Variants in MACROD2 observed in about 807,000 individuals in gnomAD.
MACROD2 encodes mono-ADP ribosylhydrolase 2, also known as ADP-ribose glycohydrolase MACROD2.
MACROD2 carries 36 observed loss-of-function variants against 70.4 expected under a neutral mutation model. That is an observed-to-expected ratio of 0.51 (90% CI 0.39 to 0.68). MACROD2 has a LOEUF of 0.68. Ranked by LOEUF, MACROD2 falls within the 30% of genes least tolerant of loss-of-function variation. MACROD2 has a pLI of 0.00. For synonymous variants in MACROD2, 172 were observed against 178.8 expected, an observed-to-expected ratio of 0.96 and a Z score of 0.30; for missense variants, 496 against 538.4, an observed-to-expected ratio of 0.92 and a Z score of 0.78.
chr20:15,789,519 A>C (rs1237210406), intron 8 of MACROD2, among the ~76,000 whole-genome samples: 1 of 152,168 alleles, frequency 6.6e-6, no homozygotes, highest in Non-Finnish European at 1.5e-5. Context: ...AGCGATTCTA[A>C]AATGAGTTCC....
chr20:14,287,413 G>A (rs995733083), intron 3 of MACROD2, among the ~76,000 whole-genome samples: 1 of 150,104 alleles, frequency 6.7e-6, no homozygotes, highest in Admixed American at 6.7e-5. Flanking sequence ...TGATGATGAT[G>A]ATCATGGTGA....
chr20:15,220,643 G>A (rs2076851748), intron 5 of MACROD2, among the ~76,000 whole-genome samples: 1 of 152,184 alleles, frequency 6.6e-6, no homozygotes, highest in Non-Finnish European at 1.5e-5. Flanking sequence ...AGCAACAGAG[G>A]TGAAGTGAAT....
intron 2 of MACROD2, among the ~76,000 whole-genome samples, chr20:14,010,828 A>G (rs1041548194): frequency 2.0e-5 from 3 of 152,010 alleles, no homozygotes. Flanking sequence ...AGTCTCTTTC[A>G]TGATTTCCTT....
At chr20:15,707,650 G>T (rs1198873487) in intron 8 of MACROD2, among the ~76,000 whole-genome samples, 1 of 152,068 alleles carries the variant, frequency 6.6e-6, no homozygotes, top group Non-Finnish European at 1.5e-5. Context: ...GAGCGTGGTG[G>T]CGGGTGCCTG....
intron 9 of MACROD2, among the ~76,000 whole-genome samples, chr20:15,883,039 A>G (rs965184515): frequency 6.6e-6 from 1 of 151,624 alleles, no homozygotes; most frequent in African/African-American, 2.4e-5. Context: ...TTAAAAAAAA[A>G]AACAAACAAA....
chr20:15,482,982 T>A (rs1008925946), intron 7 of MACROD2, among the ~76,000 whole-genome samples: 1 of 152,106 alleles, frequency 6.6e-6, no homozygotes, highest in African/African-American at 2.4e-5. Flanking sequence ...TTATCAAGTA[T>A]GTCTTTTGCA....
chr20:14,546,955 A>G lies in MACROD2; in HGVS notation c.301+53447A>G, dbSNP rs558457371. On this transcript the variant is annotated intron_variant, in intron 4 of 17. Transcript: ENST00000684519. Reference sequence around the variant, plus strand: ...TTTTTTTCAAGATCTAAATACAATTATATTTTTAAACGTTGGGTCCAGGCT... The same window carrying G: ...TTTTTTTCAAGATCTAAATACAATTGTATTTTTAAACGTTGGGTCCAGGCT... Among the ~76,000 whole-genome samples, 14 of 152,116 alleles carry G rather than the reference A, an allele frequency of 9.2e-5. No homozygotes were observed. The South Asian group carries it at 2.9e-3, about 32-fold the overall frequency.
chr20:15,987,022 C>A, intron 14 of MACROD2, 44 bp from the exon 15 acceptor site: 1 of 1,502,870 alleles, frequency 6.7e-7, no homozygotes, highest in Non-Finnish European at 9.1e-7. Flanking sequence ...TCAATGATTC[C>A]AACTAAAACA....
chr20:14,452,748 C>G (rs1294397056), intron 3 of MACROD2, among the ~76,000 whole-genome samples: 1 of 152,088 alleles, frequency 6.6e-6, no homozygotes, highest in Non-Finnish European at 1.5e-5. Flanking sequence ...CTTTGGTAAA[C>G]CGAATAGCTT....
intron 8 of MACROD2, among the ~76,000 whole-genome samples, chr20:15,591,450 C>T (rs2048678575): frequency 6.6e-6 from 1 of 151,740 alleles, no homozygotes; most frequent in Non-Finnish European, 1.5e-5. Context: ...ACACCTAATT[C>T]CTCTGCTTCC....
At chr20:15,439,096 T>C (rs1405568760) in intron 7 of MACROD2, among the ~76,000 whole-genome samples, 1 of 152,174 alleles carries the variant, frequency 6.6e-6, no homozygotes, top group Non-Finnish European at 1.5e-5. Context: ...AGCATTTTAC[T>C]TCAGTTAAAA....
At chr20:14,723,027 T>A (rs2071488361) in intron 5 of MACROD2, among the ~76,000 whole-genome samples, 2 of 152,218 alleles carry the variant, frequency 1.3e-5, no homozygotes, top group Non-Finnish European at 2.9e-5. Flanking sequence ...GCAGGTTAAA[T>A]CTGTAACCCA....
rs1242609412 is a variant in MACROD2, at chr20:15,070,890, C to CTTTGT, written c.419-159036_419-159032dup. ...TTTTCACTAGGGTAAACTTGAATAC[C>CTTTGT]TTTGTTTTGTTTTGTTTTTGGAAAA... On this transcript the variant is annotated intron_variant, in intron 5 of 17. Coordinates refer to ENST00000684519, the MANE Select transcript of MACROD2 (RefSeq NM_001351661.2). Among the ~76,000 whole-genome samples the CTTTGT allele has an allele frequency of 4.0e-5, 6 of 149,624 alleles. No homozygotes were observed. In the East Asian group the frequency reaches 7.8e-4, roughly 19 times the overall value.
At chr20:14,850,170 T>C (rs2073185194) in intron 5 of MACROD2, 1 of 321,276 alleles carries the variant, frequency 3.1e-6, no homozygotes, top group Non-Finnish European at 6.2e-6. Flanking sequence ...TTGCAACTTG[T>C]TTAGCTGGAA....
At chr20:14,248,458 C>T (rs938857932) in intron 3 of MACROD2, among the ~76,000 whole-genome samples, 4 of 152,122 alleles carry the variant, frequency 2.6e-5, no homozygotes, top group African/African-American at 7.2e-5. Context: ...TGGCACATGC[C>T]TGTAATCCCA....
intron 6 of MACROD2, among the ~76,000 whole-genome samples, chr20:15,282,926 A>C (rs1042987442): frequency 9.9e-5 from 15 of 152,178 alleles, no homozygotes; most frequent in African/African-American, 3.1e-4. Context: ...GGTTTAATTG[A>C]CTCACAGTTC....
chr20:14,801,856 C>A (rs1321687982), intron 5 of MACROD2, among the ~76,000 whole-genome samples: 1 of 152,040 alleles, frequency 6.6e-6, no homozygotes, highest in African/African-American at 2.4e-5. Context: ...ACTGTACTTT[C>A]CTTTCACGGC....
At chr20:15,232,279 A>T (rs537192912) in intron 6 of MACROD2, among the ~76,000 whole-genome samples, 7 of 152,080 alleles carry the variant, frequency 4.6e-5, no homozygotes, top group Non-Finnish European at 8.8e-5. Context: ...TTGTCAACTT[A>T]TCACAATAGA....
intron 5 of MACROD2, among the ~76,000 whole-genome samples, chr20:14,890,790 A>AG (rs398121201): frequency 1.3e-5 from 2 of 150,680 alleles, no homozygotes; most frequent in African/African-American, 4.9e-5. Context: ...TAAAAAAAAA[A>AG]GAAAGAAGGA....
Sources: gnomAD v4.1 joint callset for allele counts (sites outside exome capture counted in the v4.1 genomes callset) on GRCh38, gnomAD v4.1.1 for gene constraint, MANE v1.5 for transcripts, NCBI Gene and HGNC (gene_info 2026-07-23, HGNC 2026-07-21) for gene names.